The following CBFA2T2 variants were observed in gnomAD, a reference collection of about 807,000 sequenced individuals.
The protein encoded by CBFA2T2 is CBFA2/RUNX1 partner transcriptional co-repressor 2.
In CBFA2T2, 11 loss-of-function variants were observed where a neutral mutation model predicts 62.2. The observed-to-expected ratio is 0.18, with a 90% CI of 0.11 to 0.29. The LOEUF (loss-of-function observed/expected upper bound fraction) is 0.29. Among genes scored for constraint, CBFA2T2 ranks in the 10% least tolerant of loss-of-function variants. CBFA2T2 has a pLI of 1.00. For synonymous variants in CBFA2T2, 295 were observed against 287.5 expected (o/e 1.03, Z -0.27); for missense variants, 592 against 774.1 (o/e 0.76, Z 2.79).
At chr20:33,642,117 TGTGTGTGTGTGTGTG>T (rs1184714174) in intron 10 of CBFA2T2, among the ~76,000 whole-genome samples, 2 of 20,640 alleles carry the variant, frequency 9.7e-5, no homozygotes, top group Non-Finnish European at 2.0e-4. Context: ...TTTTTTTTTT[TGTGTGTGTGTGTGTG>T]TGTGTGTGTG....
Position 33,639,988 on chromosome 20 carries a change from G to T in CBFA2T2, c.1298-353G>T, listed in dbSNP as rs112431934. 2.8e-3 allele frequency among the ~76,000 whole-genome samples: 427 copies of T among 152,288 alleles called. 1 individual carries two copies. The highest frequency in any genetic ancestry group is 0.017 in the Middle Eastern group (5 of 294). ...CCATCTCAAGCAAAACACATGTCTT[G>T]ATTCTCCCCTGCCCACTGAAGAGCT... On this transcript the variant is annotated intron_variant, in intron 9 of 10. Coordinates refer to ENST00000342704, the MANE Select transcript of CBFA2T2 (RefSeq NM_001032999.3).
chr20:33,643,402 T>G (rs551939764), intron 10 of CBFA2T2, among the ~76,000 whole-genome samples: 1 of 151,940 alleles, frequency 6.6e-6, no homozygotes, highest in Non-Finnish European at 1.5e-5. Flanking sequence ...ATAAGGAGAC[T>G]CTGTCTCTAC....
At position 33,619,715 on chromosome 20, in the gene CBFA2T2, ATTT is replaced by A. The variant is rs1324333836; in HGVS notation, c.510+111_510+113del. 4 of 733,024 alleles carry A rather than the reference ATTT, an allele frequency of 5.5e-6. No individual in the cohort carries two copies. The Admixed American group carries it at 1.2e-4, about 22-fold the overall frequency. 45.4% of individuals were successfully genotyped at this position (733,024 alleles called of 1,614,324 possible). A position where few individuals can be genotyped will look rare whatever the true frequency, so the allele number is the denominator to read the frequency against. On this transcript the variant is annotated intron_variant, in intron 4 of 10. Transcript: ENST00000342704. Reference sequence around the variant, plus strand: ...CCGCTTGCCACGTTTTTAGATCTTTATTTTGGGCTGGTAGAGAGGTCTGAGTGC... The same window carrying A: ...CCGCTTGCCACGTTTTTAGATCTTTATGGGCTGGTAGAGAGGTCTGAGTGC...
chr20:33,569,720 T>C (rs1206782049), intron 1 of CBFA2T2, among the ~76,000 whole-genome samples: 1 of 152,166 alleles, frequency 6.6e-6, no homozygotes, highest in Non-Finnish European at 1.5e-5. Context: ...TAAAGTAAAA[T>C]CTTGAGTTTA....
At chr20:33,591,530 T>C (rs899905589) in intron 1 of CBFA2T2, among the ~76,000 whole-genome samples, 1 of 150,648 alleles carries the variant, frequency 6.6e-6, no homozygotes, top group African/African-American at 2.4e-5. Flanking sequence ...AAGAAAAATA[T>C]TTGTCACATC....
At chr20:33,606,522 C>T (rs1324666267) in intron 1 of CBFA2T2, among the ~76,000 whole-genome samples, 3 of 152,146 alleles carry the variant, frequency 2.0e-5, no homozygotes, top group Non-Finnish European at 2.9e-5. Context: ...GTCCCCTTCT[C>T]CCTCCTGGCT....
rs1178587936 is a variant in CBFA2T2, at chr20:33,649,300, G to A, written c.*4654G>A. The A allele has an allele frequency of 6.6e-6, 1 of 152,670 alleles. No individual in the cohort carries two copies. The highest frequency in any genetic ancestry group is 2.4e-5 in the African/African-American group (1 of 41,450). The allele number at this position is 152,670 out of a possible 1,614,324, so 9.5% of individuals were successfully genotyped here. On this transcript the variant is annotated 3_prime_UTR_variant, in exon 11 of 11. Coordinates refer to ENST00000342704, the MANE Select transcript of CBFA2T2 (RefSeq NM_001032999.3). ...CGAGAGCAGCCCTGCCCAGATTGCG[G>A]TGGGGGCTGTGCCAGCGGCTCCGCA... is the stretch of plus-strand genomic sequence containing the variant.
Position 33,578,698 on chromosome 20 carries a change from A to G in CBFA2T2, c.35-28258A>G, listed in dbSNP as rs138702552. ...GGGTATTTTCTCTTGAATAGGAGAA[A>G]AATTGTTACTTTGGCATAAGGCCCA... On this transcript the variant is annotated intron_variant, in intron 1 of 10. Coordinates refer to ENST00000342704, the MANE Select transcript of CBFA2T2 (RefSeq NM_001032999.3). Among the ~76,000 whole-genome samples the G allele has an allele frequency of 6.7e-3, 1,017 of 152,260 alleles. 4 individuals are homozygous for G. Among genetic ancestry groups the G allele is most frequent in the Non-Finnish European group, 0.011 (760 of 68,024 alleles).
At chr20:33,529,134 T>C (rs944485516) in intron 1 of CBFA2T2, among the ~76,000 whole-genome samples, 3 of 152,152 alleles carry the variant, frequency 2.0e-5, no homozygotes, top group Admixed American at 6.5e-5. Flanking sequence ...TACGCCATTC[T>C]CCTGCCTCAG....
At chr20:33,490,380 C>G in intron 1 of CBFA2T2, 79 bp downstream of exon 1, 3 of 1,203,582 alleles carry the variant, frequency 2.5e-6, no homozygotes, top group Non-Finnish European at 3.1e-6. Context: ...ATTCCGAGTG[C>G]CCCGGGCGCG....
chr20:33,539,118 GA>G (rs1264322246), intron 1 of CBFA2T2, among the ~76,000 whole-genome samples: 3 of 152,184 alleles, frequency 2.0e-5, no homozygotes, highest in Non-Finnish European at 4.4e-5. Flanking sequence ...TTGAGGTTCG[GA>G]AATTTGGTTT....
chr20:33,642,136 G>T (rs1387535425), intron 10 of CBFA2T2, among the ~76,000 whole-genome samples: 1 of 148,758 alleles, frequency 6.7e-6, no homozygotes, highest in African/African-American at 2.5e-5. Context: ...GTGTGTGTGT[G>T]TGTGTGTGTG....
chr20:33,542,925 C>G (rs1299306466), intron 1 of CBFA2T2, among the ~76,000 whole-genome samples: 1 of 152,134 alleles, frequency 6.6e-6, no homozygotes, highest in African/African-American at 2.4e-5. Flanking sequence ...CCTGGCCTCC[C>G]AAAGTGCTGG....
At chr20:33,566,194 ATTATG>A (rs2013303943) in intron 1 of CBFA2T2, among the ~76,000 whole-genome samples, 1 of 152,164 alleles carries the variant, frequency 6.6e-6, no homozygotes, top group East Asian at 1.9e-4. Flanking sequence ...TTAGACTAGA[ATTATG>A]TTGAGTTTCC....
Position 33,490,121 on chromosome 20 carries a change from G to T in CBFA2T2, c.-147G>T, listed in dbSNP as rs1307302751. The T allele has an allele frequency of 6.4e-6, 5 of 787,024 alleles. No homozygotes were observed. Among genetic ancestry groups the T allele is most frequent in the East Asian group, 4.4e-5 (1 of 22,798 alleles). The allele number at this position is 787,024 out of a possible 1,614,324, so 48.8% of individuals were successfully genotyped here. On this transcript the variant is annotated 5_prime_UTR_variant, in exon 1 of 11. Coordinates refer to ENST00000342704, the MANE Select transcript of CBFA2T2 (RefSeq NM_001032999.3). The stretch of plus-strand genomic sequence containing the variant: ...GGCGGCGGCGGCGACGGCGACAGCA[G>T]CGGTGGTGGTGTCTGGTTAGCTCGG...
intron 8 of CBFA2T2, among the ~76,000 whole-genome samples, chr20:33,633,741 C>A (rs1014547759): frequency 2.0e-5 from 3 of 152,176 alleles, no homozygotes; most frequent in African/African-American, 4.8e-5. Flanking sequence ...TGAGTTCTAA[C>A]TACGTCTATT....
intron 1 of CBFA2T2, among the ~76,000 whole-genome samples, chr20:33,502,361 C>A (rs2011300655): frequency 1.3e-5 from 2 of 152,044 alleles, no homozygotes; most frequent in African/African-American, 4.8e-5. Context: ...TTTTTTGACA[C>A]ACCAAAAAGG....
chr20:33,642,116 TTGTGTGTGTGTGTG>T (rs869240464), intron 10 of CBFA2T2, among the ~76,000 whole-genome samples: 41 of 59,062 alleles, frequency 6.9e-4, no homozygotes, highest in East Asian at 2.1e-3. Flanking sequence ...TTTTTTTTTT[TTGTGTGTGTGTGTG>T]TGTGTGTGTG....
intron 3 of CBFA2T2, among the ~76,000 whole-genome samples, chr20:33,619,079 TA>T (rs1003067822): frequency 1.3e-5 from 2 of 152,170 alleles, no homozygotes; most frequent in African/African-American, 4.8e-5. Context: ...CCTTATGATT[TA>T]AAAGTCTTTA....
Sources: gnomAD v4.1 joint callset for allele counts (sites outside exome capture counted in the v4.1 genomes callset) on GRCh38, gnomAD v4.1.1 for gene constraint, MANE v1.5 for transcripts, NCBI Gene and HGNC (gene_info 2026-07-23, HGNC 2026-07-21) for gene names.